The following RFX6 variants were observed in gnomAD, a reference collection of about 807,000 sequenced individuals.
The protein encoded by RFX6 is regulatory factor X6.
In RFX6, 50 loss-of-function variants were observed where a neutral mutation model predicts 110.8. The observed-to-expected ratio is 0.45, with a 90% CI of 0.36 to 0.57. The LOEUF is 0.57. Among genes scored for constraint, RFX6 ranks in the 20% least tolerant of loss-of-function variants. The pLI is 0.00. For synonymous variants in RFX6, 383 were observed against 411.2 expected (o/e 0.93, Z 0.83); for missense variants, 990 against 1,127.0 (o/e 0.88, Z 1.74).
chr6:116,916,484 T>C (rs927341174), intron 9 of RFX6, among the ~76,000 whole-genome samples, 170 bp downstream of exon 9: 11 of 152,164 alleles, frequency 7.2e-5, no homozygotes, highest in Non-Finnish European at 1.6e-4. Context: ...TAATAGTGTA[T>C]GTGTTTTAAT....
intron 6 of RFX6, among the ~76,000 whole-genome samples, chr6:116,899,509 C>A (rs1582519456): frequency 1.3e-5 from 2 of 152,008 alleles, no homozygotes; most frequent in African/African-American, 4.8e-5. Context: ...GACAAAAGAC[C>A]CTAGTATTTA....
intron 14 of RFX6, 32 bp from the exon 15 acceptor site, chr6:116,924,637 T>C (rs776868972): frequency 6.3e-7 from 1 of 1,595,894 alleles, no homozygotes. Flanking sequence ...CATTTCACAC[T>C]GTCCTCTCCT....
At chr6:116,911,671 G>T (rs113949690) in intron 7 of RFX6, among the ~76,000 whole-genome samples, 1,643 of 152,288 alleles carry the variant, frequency 0.011, 16 homozygotes, top group Non-Finnish European at 0.019. Context: ...TCGGGGATCT[G>T]TTGGCTGTTT....
intron 2 of RFX6, 25 bp from the exon 3 acceptor site, chr6:116,880,519 C>T: frequency 1.9e-6 from 3 of 1,604,276 alleles, no homozygotes; most frequent in Non-Finnish European, 2.6e-6. Context: ...AAATATTTGA[C>T]CTAATTTTTG....
chr6:116,905,166 C>T (rs142874716), intron 6 of RFX6, among the ~76,000 whole-genome samples: 3 of 152,298 alleles, frequency 2.0e-5, no homozygotes, highest in Non-Finnish European at 4.4e-5. Context: ...AATTTTTTCA[C>T]ATCCTTGACA....
chr6:116,893,890 G>T (rs1774882960), intron 4 of RFX6, 97 bp from the exon 5 acceptor site: 5 of 795,408 alleles, frequency 6.3e-6, no homozygotes, highest in South Asian at 4.1e-5. Context: ...AGGGTTTGCA[G>T]TTCTTATTCA....
At chr6:116,889,231 G>T (rs1582512892) in intron 4 of RFX6, among the ~76,000 whole-genome samples, 1 of 152,196 alleles carries the variant, frequency 6.6e-6, no homozygotes, top group Non-Finnish European at 1.5e-5. Flanking sequence ...ATGTCAGAAG[G>T]TGGTTATTGA....
chr6:116,896,707 CA>C (rs5879392), intron 6 of RFX6, among the ~76,000 whole-genome samples: 117,312 of 149,354 alleles, frequency 0.79, 46,259 homozygotes, highest in East Asian at 0.89. Context: ...GACCCTATCT[CA>C]AAAAAAAAAA....
At chr6:116,908,577 T>C (rs1008924433) in intron 6 of RFX6, among the ~76,000 whole-genome samples, 3 of 152,018 alleles carry the variant, frequency 2.0e-5, no homozygotes, top group African/African-American at 7.2e-5. Flanking sequence ...TTTGTGATTT[T>C]CAAGGGTATT....
chr6:116,909,447 C>G (rs1775282505), intron 6 of RFX6, among the ~76,000 whole-genome samples: 1 of 151,752 alleles, frequency 6.6e-6, no homozygotes. Context: ...TTATTTTTCC[C>G]TATTTATTGA....
chr6:116,904,816 G>C (rs577594686), intron 6 of RFX6, among the ~76,000 whole-genome samples: 1 of 152,100 alleles, frequency 6.6e-6, no homozygotes, highest in Admixed American at 6.6e-5. Flanking sequence ...TGTCCTCAAG[G>C]TTCATCCATG....
intron 6 of RFX6, 31 bp from the exon 7 acceptor site, chr6:116,910,904 A>T: frequency 7.5e-7 from 1 of 1,339,702 alleles, no homozygotes; most frequent in Non-Finnish European, 1.1e-6. Context: ...GTTGATAATG[A>T]TGTATTTGTT....
rs764642555 is a variant in RFX6, at chr6:116,927,388, T to C, written c.2247T>C (p.Tyr749=). 4.2e-5 allele frequency: 68 copies of C among 1,613,956 alleles called. No homozygotes were observed. The highest frequency in any genetic ancestry group is 5.5e-5 in the Non-Finnish European group (65 of 1,179,974). The change falls in exon 17 of 19, where the codon TAT becomes TAC. Residue 749 remains tyrosine (Y), a synonymous_variant. Coordinates refer to ENST00000332958, the MANE Select transcript of RFX6 (RefSeq NM_173560.4). ...GTGGCAGCTGTGCGGGGTCTCCATA[T>C]AACTCCCGGCCACCGTCTAGCTATG... ...FFSGSCAGSP[Y]NSRPPSSYGP...
Position 116,918,095 on chromosome 6 carries a change from A to G in RFX6, c.1022+9A>G. 1 of 1,590,466 alleles carries G rather than the reference A, an allele frequency of 6.3e-7. No individual in the cohort carries two copies. Among genetic ancestry groups the G allele is most frequent in the Non-Finnish European group, 8.6e-7 (1 of 1,160,444 alleles). On this transcript the variant is annotated intron_variant, in intron 10 of 18. Coordinates refer to ENST00000332958, the MANE Select transcript of RFX6 (RefSeq NM_173560.4). ...CAAGAAATGCCTGAAAGGTATGTTCAGTTAATAAAACATGAGCATTCCTAG... is the reference window on the plus strand; with the variant it reads ...CAAGAAATGCCTGAAAGGTATGTTCGGTTAATAAAACATGAGCATTCCTAG...
At chr6:116,901,951 A>T (rs1227192863) in intron 6 of RFX6, among the ~76,000 whole-genome samples, 1 of 152,130 alleles carries the variant, frequency 6.6e-6, no homozygotes, top group Non-Finnish European at 1.5e-5. Context: ...TCATTATGAT[A>T]TAATGGGAAA....
At chr6:116,915,897 A>G in intron 7 of RFX6, 111 bp from the exon 8 acceptor site, 1 of 808,606 alleles carries the variant, frequency 1.2e-6, no homozygotes, top group South Asian at 1.4e-5. Flanking sequence ...AACATTGAGC[A>G]TACTGCTTGG....
chr6:116,907,753 A>G (rs6914581), intron 6 of RFX6, among the ~76,000 whole-genome samples: 125,298 of 152,050 alleles, frequency 0.82, 51,838 homozygotes, highest in East Asian at 0.89. Flanking sequence ...TTGGTTTATT[A>G]TGCTGTCACA....
intron 6 of RFX6, among the ~76,000 whole-genome samples, chr6:116,907,805 C>T (rs1012927067): frequency 2.0e-5 from 3 of 151,912 alleles, no homozygotes; most frequent in South Asian, 2.1e-4. Flanking sequence ...TTGTTCTGTC[C>T]GTTATTGAGA....
rs369501829 is a variant in RFX6 at position 116,925,652 on chromosome 6, G to A, written c.1878G>A (p.Pro626=). The change falls in exon 16 of 19, where the codon CCG becomes CCA. Residue 626 remains proline (P), a synonymous_variant. Transcript: ENST00000332958. ...CTGCTGGGAACACAGACAACATGCCGCTCACAGGTACGCTAAAGAGAACTG... is the reference window on the plus strand; with the variant it reads ...CTGCTGGGAACACAGACAACATGCCACTCACAGGTACGCTAAAGAGAACTG... ...QFPAGNTDNM[P]LTGQMELSQI... is the part of the protein sequence containing the mutation. 36 of 1,611,288 alleles carry A rather than the reference G, an allele frequency of 2.2e-5. No individual in the cohort carries two copies. Among genetic ancestry groups the A allele is most frequent in the African/African-American group, 4.0e-5 (3 of 74,840 alleles).
Sources: gnomAD v4.1 joint callset for allele counts (sites outside exome capture counted in the v4.1 genomes callset) on GRCh38, gnomAD v4.1.1 for gene constraint, MANE v1.5 for transcripts, NCBI Gene and HGNC (gene_info 2026-07-23, HGNC 2026-07-21) for gene names.